The following NRXN1 variants were observed in gnomAD, a reference collection of about 807,000 sequenced individuals.
NRXN1 encodes neurexin-1.
A neutral mutation model predicts 150.9 loss-of-function variants in NRXN1; 39 were observed. The observed-to-expected ratio is 0.26, with a 90% CI of 0.20 to 0.34. NRXN1 has a LOEUF of 0.34. NRXN1 is among the 10% of genes least tolerant of loss of function. The pLI is 1.00. For missense variants in NRXN1, 1,815 were observed against 1,949.9 expected, an observed-to-expected ratio of 0.93 and a Z score of 1.30; for synonymous variants, 924 against 757.0, an observed-to-expected ratio of 1.22 and a Z score of -3.62.
chr2:50,472,606 C>T lies in NRXN1; in HGVS notation c.3071-135G>A, dbSNP rs1241788787. The T allele has an allele frequency of 6.3e-6, 4 of 634,824 alleles. No homozygotes were observed. The East Asian group carries it at 1.1e-4, about 18-fold the overall frequency. The allele number at this position is 634,824 out of a possible 1,614,324, so 39.3% of individuals were successfully genotyped here. Reference sequence around the variant, plus strand: ...AATTAATTTATGACTAGCTGTTTTCCCCAAAGTGCTAAACAATAGAGACGT... The same window carrying T: ...AATTAATTTATGACTAGCTGTTTTCTCCAAAGTGCTAAACAATAGAGACGT... On this transcript the variant is annotated intron_variant, in intron 15 of 22. Coordinates refer to ENST00000401669, the MANE Select transcript of NRXN1 (RefSeq NM_001330078.2).
chr2:51,018,200 A>C (rs1221917228), intron 2 of NRXN1, among the ~76,000 whole-genome samples: 12 of 152,136 alleles, frequency 7.9e-5, no homozygotes, highest in Admixed American at 7.9e-4. Flanking sequence ...TAAATGAAGA[A>C]AGCCCTTCTG....
intron 2 of NRXN1, among the ~76,000 whole-genome samples, chr2:50,936,753 C>T (rs1380771340): frequency 6.6e-6 from 1 of 151,706 alleles, no homozygotes; most frequent in Non-Finnish European, 1.5e-5. Flanking sequence ...CTATTCTGGA[C>T]TGAGATTGAG....
At chr2:50,388,834 T>C (rs370731538) in intron 17 of NRXN1, among the ~76,000 whole-genome samples, 27 of 152,164 alleles carry the variant, frequency 1.8e-4, no homozygotes, top group Middle Eastern at 3.4e-3. Context: ...TAAATAAAGG[T>C]TCTCTGATTG....
At chr2:50,086,305 A>G (rs1023179951) in intron 19 of NRXN1, among the ~76,000 whole-genome samples, 8 of 152,178 alleles carry the variant, frequency 5.3e-5, no homozygotes. Context: ...ATTAAGCTAC[A>G]CTAAAGGTTT....
intron 5 of NRXN1, among the ~76,000 whole-genome samples, chr2:50,795,050 A>G (rs543055088): frequency 6.6e-6 from 1 of 152,266 alleles, no homozygotes; most frequent in Admixed American, 6.5e-5. Flanking sequence ...TCTGTGCATT[A>G]CTATCAAGGA....
At chr2:49,991,964 G>A (rs1218829693) in intron 21 of NRXN1, among the ~76,000 whole-genome samples, 1 of 152,174 alleles carries the variant, frequency 6.6e-6, no homozygotes, top group Non-Finnish European at 1.5e-5. Flanking sequence ...CTTTGATATA[G>A]AGCAAAGGTT....
At chr2:50,928,818 G>A (rs981452144) in intron 2 of NRXN1, among the ~76,000 whole-genome samples, 4 of 151,966 alleles carry the variant, frequency 2.6e-5, no homozygotes, top group South Asian at 2.1e-4. Flanking sequence ...GAAAACCCTG[G>A]CTTCTTAATT....
chr2:50,958,782 G>A (rs557647409), intron 2 of NRXN1, among the ~76,000 whole-genome samples: 22 of 152,150 alleles, frequency 1.4e-4, no homozygotes, highest in East Asian at 1.9e-4. Flanking sequence ...CTGATTTAAC[G>A]GGAATGCAGT....
At chr2:50,241,599 A>T (rs2066005049) in intron 17 of NRXN1, among the ~76,000 whole-genome samples, 1 of 151,840 alleles carries the variant, frequency 6.6e-6, no homozygotes, top group African/African-American at 2.4e-5. Context: ...CTCTAAATTC[A>T]TTAACAAAGC....
intron 8 of NRXN1, among the ~76,000 whole-genome samples, chr2:50,580,529 G>A (rs1448637793): frequency 6.6e-6 from 1 of 152,068 alleles, no homozygotes; most frequent in African/African-American, 2.4e-5. Context: ...AAACTGAGTG[G>A]GACAGATTAT....
At chr2:50,731,748 T>C in intron 5 of NRXN1, among the ~76,000 whole-genome samples, 1 of 152,186 alleles carries the variant, frequency 6.6e-6, no homozygotes, top group East Asian at 1.9e-4. Flanking sequence ...AGAGAATTTT[T>C]CATAGCTATC....
chr2:50,331,937 C>T (rs1170916356), intron 17 of NRXN1, among the ~76,000 whole-genome samples: 1 of 152,138 alleles, frequency 6.6e-6, no homozygotes, highest in African/African-American at 2.4e-5. Flanking sequence ...TTGAGCCCTA[C>T]CCCCAGATTA....
intron 2 of NRXN1, among the ~76,000 whole-genome samples, chr2:50,993,695 G>A (rs947313419): frequency 4.0e-5 from 6 of 151,868 alleles, no homozygotes; most frequent in Admixed American, 2.6e-4. Flanking sequence ...TTTAGATTCC[G>A]TATAATAAAT....
chr2:50,092,687 C>T (rs992716300), intron 18 of NRXN1, among the ~76,000 whole-genome samples: 22 of 152,124 alleles, frequency 1.4e-4, no homozygotes, highest in Admixed American at 7.9e-4. Context: ...AGAATCCTTA[C>T]GGAAAATCTT....
At chr2:50,027,464 A>G (rs909617393) in intron 21 of NRXN1, among the ~76,000 whole-genome samples, 3 of 135,180 alleles carry the variant, frequency 2.2e-5, no homozygotes, top group Admixed American at 1.6e-4. Context: ...CTTTTTTGAG[A>G]CAGTGTCTCA....
intron 18 of NRXN1, among the ~76,000 whole-genome samples, chr2:50,226,927 T>C (rs182476855): frequency 6.6e-6 from 1 of 152,112 alleles, no homozygotes; most frequent in African/African-American, 2.4e-5. Flanking sequence ...GCAAAGATTA[T>C]TTCAACAAAT....
intron 18 of NRXN1, chr2:50,174,658 A>C (rs2060240766): frequency 2.6e-5 from 4 of 152,186 alleles, no homozygotes; most frequent in African/African-American, 7.2e-5. Flanking sequence ...TTAATTCAGT[A>C]ATCTTCTTAA....
At chr2:50,655,663 C>A (rs1023261265) in intron 5 of NRXN1, among the ~76,000 whole-genome samples, 17 of 149,170 alleles carry the variant, frequency 1.1e-4, no homozygotes, top group Non-Finnish European at 1.6e-4. Flanking sequence ...TTTTATTTTT[C>A]TTTTGGGGGG....
rs149354823 is a variant in NRXN1 at position 50,700,778 on chromosome 2, T to C, written c.833-77163A>G. ...GTTTTTTATTTGATACCTAGACCAA[T>C]AGATTTCCAAAGAGCTGGGATCAAG... On this transcript the variant is annotated intron_variant, in intron 5 of 22. Transcript: ENST00000401669. Among the ~76,000 whole-genome samples, 775 of 152,068 alleles carry C rather than the reference T, an allele frequency of 5.1e-3. 11 individuals are homozygous for C. Among genetic ancestry groups the C allele is most frequent in the African/African-American group, 0.018 (732 of 41,448 alleles).
Sources: gnomAD v4.1 joint callset for allele counts (sites outside exome capture counted in the v4.1 genomes callset) on GRCh38, gnomAD v4.1.1 for gene constraint, MANE v1.5 for transcripts, NCBI Gene and HGNC (gene_info 2026-07-23, HGNC 2026-07-21) for gene names.